Variants in HNF4A observed in about 807,000 individuals in gnomAD.
HNF4A encodes hepatocyte nuclear factor 4 alpha.
Under a neutral mutation model 52.4 loss-of-function variants are expected in HNF4A, and 15 were observed. The ratio of observed to expected loss-of-function variants is 0.29; its 90% CI spans 0.19 to 0.44. HNF4A has a LOEUF of 0.44. Ranked by LOEUF, HNF4A falls within the 20% of genes least tolerant of loss-of-function variation. The probability of loss-of-function intolerance (pLI) is 1.00; values close to 1 mark genes in which losing one functional copy is unlikely to be tolerated. For missense variants in HNF4A, 479 were observed against 647.2 expected, an observed-to-expected ratio of 0.74 and a Z score of 2.82; for synonymous variants, 280 against 264.4, an observed-to-expected ratio of 1.06 and a Z score of -0.57.
chr20:44,402,694 A>C, intron 1 of HNF4A: 1 of 1,159,854 alleles, frequency 8.6e-7, no homozygotes, highest in Non-Finnish European at 1.2e-6. Context: ...GAAGAGCCCC[A>C]TCGGTCCCAG....
At chr20:44,361,265 A>T (rs1049467207) in intron 1 of HNF4A, among the ~76,000 whole-genome samples, 2 of 152,138 alleles carry the variant, frequency 1.3e-5, no homozygotes, top group African/African-American at 4.8e-5. Flanking sequence ...AGAGTCTGTA[A>T]TTTTTTGAGC....
At chr20:44,393,460 T>C (rs1365163625) in intron 1 of HNF4A, among the ~76,000 whole-genome samples, 2 of 152,196 alleles carry the variant, frequency 1.3e-5, no homozygotes, top group African/African-American at 4.8e-5. Context: ...CATCTCTCAC[T>C]GGCATCCCTG....
intron 1 of HNF4A, among the ~76,000 whole-genome samples, chr20:44,373,368 C>G (rs993438613): frequency 1.3e-5 from 2 of 152,026 alleles, no homozygotes; most frequent in South Asian, 2.1e-4. Flanking sequence ...GAGATGGGGT[C>G]TTACTGTGTT....
chr20:44,423,440 T>C (rs2063774784), intron 7 of HNF4A, among the ~76,000 whole-genome samples: 1 of 152,106 alleles, frequency 6.6e-6, no homozygotes. Flanking sequence ...CCGCAGAGAT[T>C]TGGAAACAGG....
At chr20:44,365,464 C>T (rs1433737340) in intron 1 of HNF4A, among the ~76,000 whole-genome samples, 1 of 149,202 alleles carries the variant, frequency 6.7e-6, no homozygotes, top group Non-Finnish European at 1.5e-5. Flanking sequence ...GCTACTGCAC[C>T]TGGCCTTTAC....
chr20:44,403,129 C>T (rs564691309), intron 1 of HNF4A, among the ~76,000 whole-genome samples: 1 of 152,312 alleles, frequency 6.6e-6, no homozygotes, highest in African/African-American at 2.4e-5. Flanking sequence ...CACTGCCCTG[C>T]CCTGGGCTGC....
At chr20:44,424,366 G>A (rs1315654378) in intron 8 of HNF4A, 112 bp downstream of exon 8, 1 of 1,535,312 alleles carries the variant, frequency 6.5e-7, no homozygotes. Context: ...TGCCGCTTTG[G>A]GCAAGTTGCT....
intron 5 of HNF4A, among the ~76,000 whole-genome samples, 157 bp from the exon 6 acceptor site, chr20:44,418,268 T>C (rs1234111858): frequency 1.3e-5 from 2 of 152,198 alleles, no homozygotes; most frequent in African/African-American, 4.8e-5. Flanking sequence ...TCCAGGTTTC[T>C]AGTTTTATGG....
At position 44,424,251 on chromosome 20, in the gene HNF4A, G is replaced by A. The variant is rs1568741506; in HGVS notation, c.1126G>A (p.Gly376Arg). ...CAACCTGTTGCAGGAGATGCTGCTG[G>A]GAGGTCCGTGCCAAGCCCAGGAGGG... The change falls in exon 8 of 10, where the codon GGA (glycine) becomes AGA (arginine). Residue 376 changes from glycine (G) to arginine (R), a missense_variant. Transcript: ENST00000316099. 2 of 1,613,898 alleles carry A rather than the reference G, an allele frequency of 1.2e-6. No homozygotes were observed. The highest frequency in any genetic ancestry group is 1.7e-6 in the Non-Finnish European group (2 of 1,179,956).
intron 5 of HNF4A, among the ~76,000 whole-genome samples, chr20:44,417,754 C>T (rs1355975969): frequency 6.6e-6 from 1 of 152,024 alleles, no homozygotes; most frequent in Non-Finnish European, 1.5e-5. Flanking sequence ...GGGCTGATCA[C>T]CTGAGGTCAG....
rs1202200654 is a variant in HNF4A, at chr20:44,407,491, C to T, written c.385+16C>T. The T allele has an allele frequency of 3.3e-6, 5 of 1,534,036 alleles. No homozygotes were observed. The highest frequency in any genetic ancestry group is 4.4e-6 in the Non-Finnish European group (5 of 1,124,234). On this transcript the variant is annotated intron_variant, in intron 3 of 9. Transcript: ENST00000316099. ...AAGAAGGAAGGTGAGCCTCGGCCCT[C>T]CCCGCCCCACCACCACTGCCCCACC... is the stretch of plus-strand genomic sequence containing the variant.
intron 1 of HNF4A, among the ~76,000 whole-genome samples, chr20:44,394,326 C>T (rs1433002640): frequency 6.6e-6 from 1 of 152,154 alleles, no homozygotes; most frequent in Non-Finnish European, 1.5e-5. Flanking sequence ...TCACTTCCCC[C>T]TCTGATCTCC....
In HNF4A at chr20:44,401,341, G is replaced by C; in HGVS notation, c.-32G>C. 6.2e-7 allele frequency: 1 copy of C among 1,613,694 alleles called. No homozygotes were observed. The highest frequency in any genetic ancestry group is 8.5e-7 in the Non-Finnish European group (1 of 1,179,924). On this transcript the variant is annotated 5_prime_UTR_variant, in exon 1 of 10. Transcript: ENST00000316099. ...GCCTTCGGGGTGGGCGCCCAGGGTA[G>C]GGCAGGTGGCCGCGGCGTGGAGGCA...
chr20:44,422,220 G>C (rs1025592551), intron 7 of HNF4A, among the ~76,000 whole-genome samples: 1 of 152,066 alleles, frequency 6.6e-6, no homozygotes, highest in South Asian at 2.1e-4. Flanking sequence ...TCTAGTTCTA[G>C]TTCCCTCCAC....
chr20:44,384,051 A>C (rs2063189033), intron 1 of HNF4A, among the ~76,000 whole-genome samples: 1 of 150,986 alleles, frequency 6.6e-6, no homozygotes, highest in South Asian at 2.1e-4. Flanking sequence ...GGGTTTCCTC[A>C]TATTGGTCAG....
intron 1 of HNF4A, among the ~76,000 whole-genome samples, chr20:44,383,920 G>A (rs943968287): frequency 4.7e-5 from 7 of 147,734 alleles, no homozygotes; most frequent in Admixed American, 4.0e-4. Context: ...GAGCGATCTC[G>A]GCTCACTGCA....
At chr20:44,401,780 G>A (rs181522278) in intron 1 of HNF4A, among the ~76,000 whole-genome samples, 5 of 152,304 alleles carry the variant, frequency 3.3e-5, no homozygotes, top group African/African-American at 9.6e-5. Context: ...TCTGCTTGGC[G>A]CTTGGCACAG....
At chr20:44,399,884 C>T (rs764992068), upstream of HNF4A, among the ~76,000 whole-genome samples, 9 of 152,180 alleles carry the variant, frequency 5.9e-5, no homozygotes, top group Admixed American at 1.3e-4. Context: ...TCACAGGTGT[C>T]ACCGAGGCCC....
intron 1 of HNF4A, among the ~76,000 whole-genome samples, chr20:44,362,717 G>A (rs559714895): frequency 1.9e-4 from 29 of 152,154 alleles, no homozygotes; most frequent in Non-Finnish European, 3.2e-4. Context: ...TTGCAAATAG[G>A]TGATTAAAAT....
Sources: gnomAD v4.1 joint callset for allele counts (sites outside exome capture counted in the v4.1 genomes callset) on GRCh38, gnomAD v4.1.1 for gene constraint, MANE v1.5 for transcripts, NCBI Gene and HGNC (gene_info 2026-07-23, HGNC 2026-07-21) for gene names.